DYNC1I1: variants seen among roughly 807,000 people sequenced by gnomAD.
DYNC1I1 encodes dynein cytoplasmic 1 intermediate chain 1, also known as cytoplasmic dynein 1 intermediate chain 1.
A neutral mutation model predicts 86.6 loss-of-function variants in DYNC1I1; 43 were observed. That is an observed-to-expected ratio of 0.50 (90% CI 0.39 to 0.64). DYNC1I1 has a LOEUF of 0.64. DYNC1I1 is among the 30% of genes least tolerant of loss of function. DYNC1I1 has a pLI of 0.00. For missense variants in DYNC1I1, 604 were observed against 788.8 expected (o/e 0.77, Z 2.81); for synonymous variants, 262 against 283.7 (o/e 0.92, Z 0.77).
intron 6 of DYNC1I1, among the ~76,000 whole-genome samples, chr7:95,882,840 C>T (rs1354684268): frequency 6.6e-6 from 1 of 152,140 alleles, no homozygotes; most frequent in Non-Finnish European, 1.5e-5. Flanking sequence ...CTTGGCTTGG[C>T]ATATTTGGGT....
At chr7:96,053,106 G>T (rs1789455731) in intron 14 of DYNC1I1, among the ~76,000 whole-genome samples, 1 of 152,164 alleles carries the variant, frequency 6.6e-6, no homozygotes, top group South Asian at 2.1e-4. Flanking sequence ...CTCATAAAAT[G>T]ATAGCGACTT....
chr7:95,852,547 G>A (rs187557374), intron 5 of DYNC1I1, among the ~76,000 whole-genome samples: 22 of 151,336 alleles, frequency 1.5e-4, no homozygotes, highest in Non-Finnish European at 2.4e-4. Context: ...TCACTTTGTC[G>A]CCCAGGCTGG....
chr7:95,867,605 A>T (rs1489614739), intron 5 of DYNC1I1, among the ~76,000 whole-genome samples: 1 of 152,130 alleles, frequency 6.6e-6, no homozygotes, highest in East Asian at 1.9e-4. Context: ...CCCAAACGAG[A>T]TAGGGCTGCA....
intron 14 of DYNC1I1, among the ~76,000 whole-genome samples, chr7:96,066,069 C>A (rs1311548356): frequency 6.6e-6 from 1 of 152,112 alleles, no homozygotes; most frequent in Non-Finnish European, 1.5e-5. Flanking sequence ...TAACATACCC[C>A]ACTTTTCCCC....
chr7:95,873,691 G>A (rs1015853006), intron 6 of DYNC1I1, among the ~76,000 whole-genome samples: 8 of 152,160 alleles, frequency 5.3e-5, no homozygotes, highest in African/African-American at 1.9e-4. Flanking sequence ...GATTGACAAG[G>A]GCTACAGATA....
chr7:95,861,880 G>T (rs1171672804), intron 5 of DYNC1I1, among the ~76,000 whole-genome samples: 2 of 152,144 alleles, frequency 1.3e-5, no homozygotes, highest in Non-Finnish European at 2.9e-5. Context: ...GCACCTGCTT[G>T]GAGCAAGTGG....
chr7:95,823,138 A>G (rs1017964073), intron 4 of DYNC1I1, among the ~76,000 whole-genome samples: 2 of 152,130 alleles, frequency 1.3e-5, no homozygotes, highest in Non-Finnish European at 1.5e-5. Flanking sequence ...GGCATCTAAA[A>G]TATAGCAGTC....
chr7:95,999,660 A>T (rs905901314), intron 10 of DYNC1I1, among the ~76,000 whole-genome samples: 5 of 152,128 alleles, frequency 3.3e-5, no homozygotes, highest in African/African-American at 4.8e-5. Flanking sequence ...GTGAAGAGTG[A>T]TGGTAACAGA....
intron 1 of DYNC1I1, among the ~76,000 whole-genome samples, chr7:95,794,621 C>G (rs1794390320): frequency 6.6e-6 from 1 of 152,152 alleles, no homozygotes; most frequent in Non-Finnish European, 1.5e-5. Context: ...ATTTTTCTCT[C>G]TAGCATAATG....
At chr7:95,995,447 G>T (rs1327447609) in intron 9 of DYNC1I1, among the ~76,000 whole-genome samples, 1 of 152,100 alleles carries the variant, frequency 6.6e-6, no homozygotes, top group Non-Finnish European at 1.5e-5. Context: ...CCAGTAGGCA[G>T]TCAGATATAA....
At chr7:95,776,620 G>A (rs1281380053) in intron 1 of DYNC1I1, among the ~76,000 whole-genome samples, 1 of 152,198 alleles carries the variant, frequency 6.6e-6, no homozygotes, top group Non-Finnish European at 1.5e-5. Flanking sequence ...CTGCTGAAAT[G>A]TATCGAAGAC....
In DYNC1I1 at chr7:96,028,168, C is replaced by G; in HGVS notation, c.970-7C>G. 6.2e-7 allele frequency: 1 copy of G among 1,613,438 alleles called. No individual in the cohort carries two copies. Among genetic ancestry groups the G allele is most frequent in the Non-Finnish European group, 8.5e-7 (1 of 1,179,498 alleles). Reference sequence around the variant, plus strand: ...CATCTCTCTCTCTCTCTCCTTTTCCCTGACAGTCCTCTGTGATGTCGGTCT... The same window carrying G: ...CATCTCTCTCTCTCTCTCCTTTTCCGTGACAGTCCTCTGTGATGTCGGTCT... On this transcript the variant is annotated splice_polypyrimidine_tract_variant and splice_region_variant and intron_variant, in intron 10 of 16. Coordinates refer to ENST00000447467, the MANE Select transcript of DYNC1I1 (RefSeq NM_001135556.2).
At chr7:96,038,162 G>A (rs1027055151) in intron 13 of DYNC1I1, among the ~76,000 whole-genome samples, 3 of 152,120 alleles carry the variant, frequency 2.0e-5, no homozygotes, top group Non-Finnish European at 2.9e-5. Context: ...CATGGAACAC[G>A]CACTGCCACA....
chr7:95,843,447 A>G (rs1198374581), intron 5 of DYNC1I1, among the ~76,000 whole-genome samples: 2 of 152,180 alleles, frequency 1.3e-5, no homozygotes, highest in Non-Finnish European at 2.9e-5. Flanking sequence ...AACTTGGGGC[A>G]GTTGTAGGGC....
intron 6 of DYNC1I1, among the ~76,000 whole-genome samples, chr7:95,873,536 ACTTT>A (rs1342456344): frequency 3.3e-5 from 5 of 152,182 alleles, no homozygotes; most frequent in African/African-American, 1.2e-4. Context: ...ACCAATAGAG[ACTTT>A]CTTAAGGTAG....
intron 6 of DYNC1I1, among the ~76,000 whole-genome samples, chr7:95,890,554 A>G (rs985395236): frequency 6.6e-6 from 1 of 152,038 alleles, no homozygotes; most frequent in Non-Finnish European, 1.5e-5. Flanking sequence ...TTACCCATAT[A>G]AAAAACCTTC....
chr7:95,966,344 T>C (rs1441975958), intron 6 of DYNC1I1, among the ~76,000 whole-genome samples: 1 of 152,218 alleles, frequency 6.6e-6, no homozygotes, highest in Non-Finnish European at 1.5e-5. Context: ...AAAAATAGTC[T>C]CATTAATCTT....
At chr7:96,039,502 T>A in intron 14 of DYNC1I1, 81 bp downstream of exon 14, 2 of 1,580,412 alleles carry the variant, frequency 1.3e-6, no homozygotes, top group Non-Finnish European at 1.7e-6. Flanking sequence ...CAGTTGTCCC[T>A]AAAGCCTCTT....
chr7:96,022,451 G>GGGCACC (rs3047675), intron 10 of DYNC1I1, among the ~76,000 whole-genome samples: 17,685 of 151,998 alleles, frequency 0.12, 1,196 homozygotes, highest in Non-Finnish European at 0.15. Flanking sequence ...CTTTGCTCCA[G>GGGCACC]GGCACCCCCA....
Sources: allele counts gnomAD v4.1 joint callset (sites outside exome capture counted in the v4.1 genomes callset), GRCh38; gene constraint gnomAD v4.1.1; transcripts MANE v1.5; gene names NCBI Gene and HGNC (gene_info 2026-07-23, HGNC 2026-07-21).